MRE11: variants seen among roughly 807,000 people sequenced by gnomAD.
The protein encoded by MRE11 is double-strand break repair protein MRE11.
In MRE11, 62 loss-of-function variants were observed where a neutral mutation model predicts 91.7. The ratio of observed to expected loss-of-function variants is 0.68; its 90% CI spans 0.55 to 0.84. MRE11 has a LOEUF of 0.84. Among genes scored for constraint, MRE11 ranks in the 40% least tolerant of loss-of-function variants. The probability of loss-of-function intolerance (pLI) is 0.00; values close to 1 mark genes in which losing one functional copy is unlikely to be tolerated. For missense variants in MRE11, 796 were observed against 852.9 expected, an observed-to-expected ratio of 0.93 and a Z score of 0.83; for synonymous variants, 273 against 271.4, an observed-to-expected ratio of 1.01 and a Z score of -0.06.
the MRE11 span, among the ~76,000 whole-genome samples, chr11:94,502,585 A>G: frequency 4.2e-3 from 638 of 152,320 alleles, 5 homozygotes; most frequent in Non-Finnish European, 7.3e-3. Context: ...GGTTACTTGT[A>G]TCTACTTTTA....
In MRE11 at chr11:94,418,399, A is replaced by T. The variant is rs953372293; in HGVS notation, c.*1726T>A. 4 of 231,590 alleles carry T rather than the reference A, an allele frequency of 1.7e-5. No individual in the cohort carries two copies. The highest frequency in any genetic ancestry group is 1.2e-3 in the Middle Eastern group (1 of 806). The allele number at this position is 231,590 out of a possible 1,614,324, so 14.3% of individuals were successfully genotyped here. A position where few individuals can be genotyped will look rare whatever the true frequency, so the allele number is the denominator to read the frequency against. The stretch of plus-strand genomic sequence containing the variant: ...AAGAGCAATTTTTTTTTTTTTAAGG[A>T]AAAAAACTTTATTCCTTTTTTCCTA... On this transcript the variant is annotated 3_prime_UTR_variant, in exon 20 of 20. Transcript: ENST00000323929.
At chr11:94,472,688 A>G (rs191666652) in intron 7 of MRE11, among the ~76,000 whole-genome samples, 1 of 152,260 alleles carries the variant, frequency 6.6e-6, no homozygotes, top group Admixed American at 6.5e-5. Context: ...TCATGCACAA[A>G]ATTATTTTAA....
At chr11:94,490,101 G>A (rs13447594) in intron 3 of MRE11, among the ~76,000 whole-genome samples, 42 of 152,130 alleles carry the variant, frequency 2.8e-4, no homozygotes, top group Non-Finnish European at 3.5e-4. Flanking sequence ...ATTATACTCC[G>A]CTGCCAAAAG....
At chr11:94,442,466 CA>C (rs964551941) in intron 16 of MRE11, among the ~76,000 whole-genome samples, 4 of 151,474 alleles carry the variant, frequency 2.6e-5, no homozygotes, top group Admixed American at 6.6e-5. Flanking sequence ...TTCCACAGGA[CA>C]CAAAAACACA....
At chr11:94,454,578 T>C (rs1162000651) in intron 14 of MRE11, among the ~76,000 whole-genome samples, 2 of 152,284 alleles carry the variant, frequency 1.3e-5, no homozygotes, top group African/African-American at 4.8e-5. Flanking sequence ...ATATAATATC[T>C]TATGATATGC....
the MRE11 span, among the ~76,000 whole-genome samples, chr11:94,499,995 T>C: frequency 6.6e-6 from 1 of 152,192 alleles, no homozygotes; most frequent in Admixed American, 6.5e-5. Context: ...TCTTGAGAGT[T>C]AGTGCTTTAG....
chr11:94,510,525 C>A, the MRE11 span, among the ~76,000 whole-genome samples: 1 of 152,194 alleles, frequency 6.6e-6, no homozygotes, highest in Non-Finnish European at 1.5e-5. Context: ...AAAATAGCAT[C>A]ATGAGTCAAT....
chr11:94,464,172 A>AC lies in MRE11; in HGVS notation c.1165dup (p.Val389GlyfsTer3). ...ATGGATAATGTCTTTTGGATTAGCT[A>AC]CCCGATCCACAAATTTCTGGCTAAA... On this transcript the variant is annotated frameshift_variant, in exon 11 of 20. Coordinates refer to ENST00000323929, the MANE Select transcript of MRE11 (RefSeq NM_005591.4). LOFTEE classifies it high-confidence loss of function. The AC allele has an allele frequency of 6.2e-7, 1 of 1,613,932 alleles. No individual in the cohort carries two copies. Among genetic ancestry groups the AC allele is most frequent in the Non-Finnish European group, 8.5e-7 (1 of 1,179,910 alleles).
At position 94,430,894 on chromosome 11, in the gene MRE11, A is replaced by T. The variant is rs143535312; in HGVS notation, c.1995-908T>A. On this transcript the variant is annotated intron_variant, in intron 18 of 19. Transcript: ENST00000323929. Reference sequence around the variant, plus strand: ...CCCACCACCAGGTTTTGTTTTTTTTATGGCCTATAAGCTAAGAATGGTTTT... The same window carrying T: ...CCCACCACCAGGTTTTGTTTTTTTTTTGGCCTATAAGCTAAGAATGGTTTT... Among the ~76,000 whole-genome samples, 66 of 152,136 alleles carry T rather than the reference A, an allele frequency of 4.3e-4. 1 individual carries two copies. In the East Asian group the frequency reaches 0.012, roughly 28 times the overall value.
At chr11:94,454,817 G>A (rs1016629955) in intron 14 of MRE11, among the ~76,000 whole-genome samples, 4 of 152,030 alleles carry the variant, frequency 2.6e-5, no homozygotes, top group African/African-American at 9.7e-5. Flanking sequence ...AAATATTTCT[G>A]TACCCTGTTA....
At chr11:94,456,450 C>T in intron 13 of MRE11, 112 bp from the exon 14 acceptor site, 1 of 766,158 alleles carries the variant, frequency 1.3e-6, no homozygotes, top group East Asian at 2.7e-5. Flanking sequence ...GCAAATTTAA[C>T]AATGTCTCAC....
At chr11:94,455,221 G>A (rs569143) in intron 14 of MRE11, among the ~76,000 whole-genome samples, 17 of 151,850 alleles carry the variant, frequency 1.1e-4, no homozygotes, top group Non-Finnish European at 2.2e-4. Context: ...AAATTCTAGC[G>A]CCACTCCATG....
chr11:94,497,996 C>A, upstream of MRE11: 1 of 1,143,760 alleles, frequency 8.7e-7, no homozygotes, highest in Non-Finnish European at 1.2e-6. Context: ...TTAAATCTAA[C>A]ACCACAAGAC....
At chr11:94,425,491 A>G (rs1230193045) in intron 19 of MRE11, among the ~76,000 whole-genome samples, 2 of 152,168 alleles carry the variant, frequency 1.3e-5, no homozygotes, top group African/African-American at 4.8e-5. Context: ...TCGAAATCTC[A>G]TATATCAATA....
rs1945534414 is a variant in MRE11 at position 94,434,066 on chromosome 11, A to G, written c.1994+1766T>C. Among the ~76,000 whole-genome samples the G allele has an allele frequency of 2.0e-5, 3 of 152,154 alleles. No homozygotes were observed. In the South Asian group the frequency reaches 6.2e-4, roughly 32 times the overall value. ...TGTAAAACCTTCAATGACCTTTCCC[A>G]GGAAGATACTGGCACGTCCCTTAGG... On this transcript the variant is annotated intron_variant, in intron 18 of 19. Coordinates refer to ENST00000323929, the MANE Select transcript of MRE11 (RefSeq NM_005591.4).
At position 94,493,391 on chromosome 11, in the gene MRE11, C is replaced by G. The variant is rs11825497; in HGVS notation, c.-106+400G>C. Among the ~76,000 whole-genome samples, 17,659 of 152,178 alleles carry G rather than the reference C, an allele frequency of 0.12. 1,125 individuals carry two copies. The highest frequency in any genetic ancestry group is 0.18 in the South Asian group (889 of 4,820). On this transcript the variant is annotated intron_variant, in intron 1 of 19. Transcript: ENST00000323929. The stretch of plus-strand genomic sequence containing the variant: ...TAAAGCGAGTGTAAATAAACAAACA[C>G]GTGGTCTGCGGAGGAACACCTTTAA...
chr11:94,483,472 A>G (rs1258446660), intron 4 of MRE11, among the ~76,000 whole-genome samples: 2 of 152,144 alleles, frequency 1.3e-5, no homozygotes, highest in African/African-American at 4.8e-5. Context: ...TTCTGGTGAT[A>G]GTGAATAAGT....
chr11:94,488,878 A>G (rs1565240791), intron 3 of MRE11, among the ~76,000 whole-genome samples: 1 of 152,210 alleles, frequency 6.6e-6, no homozygotes, highest in Non-Finnish European at 1.5e-5. Context: ...TAATCTGTAC[A>G]ACAATCCCTG....
At chr11:94,479,498 T>G (rs1298687115) in intron 5 of MRE11, among the ~76,000 whole-genome samples, 176 bp downstream of exon 5, 2 of 152,206 alleles carry the variant, frequency 1.3e-5, no homozygotes, top group African/African-American at 4.8e-5. Flanking sequence ...AATTCTTATT[T>G]CAGATTTTTA....
Sources: allele counts gnomAD v4.1 joint callset (sites outside exome capture counted in the v4.1 genomes callset), GRCh38; gene constraint gnomAD v4.1.1; transcripts MANE v1.5; gene names NCBI Gene and HGNC (gene_info 2026-07-23, HGNC 2026-07-21).